The following EEF1D variants were observed in gnomAD, a reference collection of about 807,000 sequenced individuals.
EEF1D encodes elongation factor 1-delta.
In EEF1D, 47 loss-of-function variants were observed where a neutral mutation model predicts 63.9. That is an observed-to-expected ratio of 0.74 (90% CI 0.58 to 0.94). The LOEUF (loss-of-function observed/expected upper bound fraction) is 0.94. Ranked by LOEUF, EEF1D falls within the 40% of genes least tolerant of loss-of-function variation. The pLI is 0.00. For missense variants in EEF1D, 907 were observed against 899.0 expected (o/e 1.01, Z -0.11); for synonymous variants, 412 against 386.1 (o/e 1.07, Z -0.79).
intron 1 of EEF1D, chr8:143,594,445 C>T: frequency 6.6e-6 from 1 of 152,648 alleles, no homozygotes; most frequent in Non-Finnish European, 1.5e-5. Context: ...GAGGGCAGGG[C>T]CCTGAGGAAG....
Position 143,589,652 on chromosome 8 carries a change from G to A in EEF1D, c.430C>T (p.Pro144Ser), listed in dbSNP as rs747989092. 9.1e-6 allele frequency: 14 copies of A among 1,541,740 alleles called. No individual in the cohort carries two copies. Among genetic ancestry groups the A allele is most frequent in the Non-Finnish European group, 1.1e-5 (13 of 1,142,972 alleles). The change falls in exon 3 of 10, where the codon CCT becomes TCT. Residue 144 changes from proline to serine, a missense_variant. Coordinates refer to ENST00000618139, the MANE Select transcript of EEF1D (RefSeq NM_001130053.5). The stretch of plus-strand genomic sequence containing the variant: ...TTTCCATGGGTGCAGAGACCCCAAG[G>A]GGCCAAGGCAGGAGGCCAGGCTGCC... ...AQAAWPPALA[P>S]WGLCTHGNQV...
intron 2 of EEF1D, among the ~76,000 whole-genome samples, chr8:143,592,446 G>A (rs1452636868): frequency 6.6e-6 from 1 of 152,032 alleles, no homozygotes; most frequent in East Asian, 1.9e-4. Context: ...ACAGGACCCT[G>A]CTCACGGCCA....
In EEF1D at chr8:143,589,507, C is replaced by T. The variant is rs753474264; in HGVS notation, c.575G>A (p.Arg192His). The change falls in exon 3 of 10, where the codon CGC becomes CAC. Residue 192 changes from arginine to histidine, a missense_variant. Transcript: ENST00000618139. ...QALLLAPDGSRRQGTPNTGQQ... is the reference protein window; with the variant it reads ...QALLLAPDGSHRQGTPNTGQQ... Reference sequence around the variant, plus strand: ...GCCTGTGTTGGGAGTCCCCTGCCTGCGGCTGCCGTCGGGGGCCAGCAACAG... The same window carrying T: ...GCCTGTGTTGGGAGTCCCCTGCCTGTGGCTGCCGTCGGGGGCCAGCAACAG... 22 of 1,511,900 alleles carry T rather than the reference C, an allele frequency of 1.5e-5. No individual in the cohort carries two copies. The highest frequency in any genetic ancestry group is 2.2e-5 in the Admixed American group (1 of 46,076). The allele number at this position is 1,511,900 out of a possible 1,614,324, so 93.7% of individuals were successfully genotyped here.
chr8:143,592,479 G>A (rs1043472475), intron 2 of EEF1D, among the ~76,000 whole-genome samples, 168 bp downstream of exon 2: 1 of 152,146 alleles, frequency 6.6e-6, no homozygotes, highest in African/African-American at 2.4e-5. Context: ...ACCTGCTGCT[G>A]CCCCATCCAG....
intron 8 of EEF1D, 23 bp from the exon 9 acceptor site, chr8:143,580,229 G>C: frequency 6.2e-7 from 1 of 1,606,822 alleles, no homozygotes; most frequent in East Asian, 2.2e-5. Flanking sequence ...GGGAGGAAAA[G>C]CTGGGGTCAG....
chr8:143,597,098 G>C lies in EEF1D; in HGVS notation c.-15+250C>G, dbSNP rs576164663. 4 of 152,276 alleles carry C rather than the reference G, an allele frequency of 2.6e-5. No homozygotes were observed. The South Asian group carries it at 8.3e-4, about 32-fold the overall frequency. 9.4% of individuals were successfully genotyped at this position (152,276 alleles called of 1,614,324 possible). Reference sequence around the variant, plus strand: ...GGCTTCCACGACCGGGATGCGCCGTGAGACAGTGCTCCCGGCGCCCCCGTC... The same window carrying C: ...GGCTTCCACGACCGGGATGCGCCGTCAGACAGTGCTCCCGGCGCCCCCGTC... On this transcript the variant is annotated intron_variant, in intron 1 of 9. Transcript: ENST00000618139.
At chr8:143,594,715 C>T (rs775215900) in intron 1 of EEF1D, among the ~76,000 whole-genome samples, 7 of 152,240 alleles carry the variant, frequency 4.6e-5, no homozygotes, top group Non-Finnish European at 7.3e-5. Context: ...CACCCCTCTC[C>T]GGCCCACCTG....
intron 3 of EEF1D, among the ~76,000 whole-genome samples, chr8:143,587,985 G>A (rs1827034822): frequency 6.6e-6 from 1 of 152,104 alleles, no homozygotes; most frequent in Non-Finnish European, 1.5e-5. Flanking sequence ...CCGGACCATC[G>A]CTGGACCTTG....
chr8:143,580,606 G>A lies in EEF1D; in HGVS notation c.1610C>T (p.Ala537Val), dbSNP rs562488930. The A allele has an allele frequency of 2.8e-5, 45 of 1,613,728 alleles. No homozygotes were observed. The Admixed American group carries it at 2.8e-4, about 10-fold the overall frequency. ...GSDNEEEDKE[A>V]AQLREERLRQ... ...TAGCCGCTCCTCCCGCAGCTGTGCC[G>A]CCTCCTTGTCCTCCTCCTCATTGTC... The change falls in exon 8 of 10, where the codon GCG becomes GTG. Residue 537 changes from alanine (A) to valine (V), a missense_variant. Transcript: ENST00000618139.
Position 143,589,245 on chromosome 8 carries a change from C to T in EEF1D, c.837G>A (p.Arg279=). The T allele has an allele frequency of 1.3e-6, 2 of 1,581,522 alleles. No homozygotes were observed. Among genetic ancestry groups the T allele is most frequent in the South Asian group, 2.3e-5 (2 of 88,000 alleles). Residue 279 remains arginine (R), a synonymous_variant, in exon 3 of 10, where the codon CGG becomes CGA. Transcript: ENST00000618139. ...EGARRGRRDR[R]GRNILGNKRA... is the part of the protein sequence containing the mutation. ...GCTTGTTCCCTAAGATGTTGCGGCCCCGCCGGTCTCTGCGGCCCCGCCGGG... is the reference window on the plus strand; with the variant it reads ...GCTTGTTCCCTAAGATGTTGCGGCCTCGCCGGTCTCTGCGGCCCCGCCGGG...
chr8:143,588,817 C>G (rs59652616), intron 3 of EEF1D, 174 bp downstream of exon 3: 1 of 876,070 alleles, frequency 1.1e-6, no homozygotes, highest in Non-Finnish European at 1.7e-6. Flanking sequence ...AACCCACAAG[C>G]GCAGCACCAC....
At chr8:143,585,714 G>A (rs1384027534) in intron 5 of EEF1D, among the ~76,000 whole-genome samples, 1 of 152,208 alleles carries the variant, frequency 6.6e-6, no homozygotes, top group Admixed American at 6.5e-5. Context: ...TTGGCCCGGG[G>A]CCTGGAGGCC....
In EEF1D at chr8:143,579,771, G is replaced by C. The variant is rs759407824; in HGVS notation, c.*21C>G. The C allele has an allele frequency of 1.3e-6, 2 of 1,536,812 alleles. No individual in the cohort carries two copies. The highest frequency in any genetic ancestry group is 1.8e-6 in the Non-Finnish European group (2 of 1,140,772). The stretch of plus-strand genomic sequence containing the variant: ...TCGTGGCAGGGCCTCACGCACGCGC[G>C]CACGTACACACACTCAGGCTTCAGA... On this transcript the variant is annotated 3_prime_UTR_variant, in exon 10 of 10. Coordinates refer to ENST00000618139, the MANE Select transcript of EEF1D (RefSeq NM_001130053.5).
intron 5 of EEF1D, chr8:143,582,267 A>C (rs1392358139): frequency 1.3e-5 from 2 of 152,338 alleles, no homozygotes; most frequent in Non-Finnish European, 2.9e-5. Flanking sequence ...AGCCCCGCAG[A>C]TCATGGGCAA....
At chr8:143,593,183 A>G (rs1192583229) in intron 1 of EEF1D, among the ~76,000 whole-genome samples, 1 of 152,112 alleles carries the variant, frequency 6.6e-6, no homozygotes, top group Non-Finnish European at 1.5e-5. Flanking sequence ...ACATTAATAC[A>G]GGGCCTCTCT....
intron 5 of EEF1D, among the ~76,000 whole-genome samples, chr8:143,584,647 C>T (rs554714474): frequency 2.6e-5 from 4 of 152,050 alleles, no homozygotes; most frequent in Non-Finnish European, 5.9e-5. Context: ...CTAAGGCCCT[C>T]GGTGAGGACT....
chr8:143,586,919 A>G, intron 3 of EEF1D, 67 bp from the exon 4 acceptor site: 1 of 1,593,254 alleles, frequency 6.3e-7, no homozygotes. Context: ...ACAGCCCAGA[A>G]GCACCAAGGT....
At chr8:143,591,638 G>A (rs1269901185) in intron 2 of EEF1D, among the ~76,000 whole-genome samples, 3 of 152,248 alleles carry the variant, frequency 2.0e-5, no homozygotes, top group East Asian at 3.8e-4. Context: ...TGCTGCCTCC[G>A]CAGGTGTGTC....
Position 143,589,937 on chromosome 8 carries a change from T to C in EEF1D, c.145A>G (p.Met49Val). Residue 49 changes from methionine to valine, a missense_variant, in exon 3 of 10, where the codon ATG becomes GTG. Coordinates refer to ENST00000618139, the MANE Select transcript of EEF1D (RefSeq NM_001130053.5). ...GGGTCGTCCTGGCCGGGCCCATTCA[T>C]GGCTGGCCCCTCGGCTGGCAGCTGC... ...AQQLPAEGPAMNGPGQDDPED... is the reference protein window; with the variant it reads ...AQQLPAEGPAVNGPGQDDPED... 6.2e-7 allele frequency: 1 copy of C among 1,600,238 alleles called. No individual in the cohort carries two copies. The highest frequency in any genetic ancestry group is 8.5e-7 in the Non-Finnish European group (1 of 1,179,024).
Sources: allele counts gnomAD v4.1 joint callset (sites outside exome capture counted in the v4.1 genomes callset), GRCh38; gene constraint gnomAD v4.1.1; transcripts MANE v1.5; gene names NCBI Gene and HGNC (gene_info 2026-07-23, HGNC 2026-07-21).